The following BAZ1A variants were observed in gnomAD, a reference collection of about 807,000 sequenced individuals.
BAZ1A encodes the protein bromodomain adjacent to zinc finger domain 1A.
Under a neutral mutation model 185.2 loss-of-function variants are expected in BAZ1A, and 50 were observed. The observed-to-expected ratio is 0.27, with a 90% confidence interval of 0.22 to 0.34. BAZ1A has a LOEUF of 0.34. Among genes scored for constraint, BAZ1A ranks in the 10% least tolerant of loss-of-function variants. BAZ1A has a pLI of 1.00. For synonymous variants in BAZ1A, 571 were observed against 615.6 expected (o/e 0.93, Z 1.07); for missense variants, 1,356 against 1,839.9 (o/e 0.74, Z 4.81).
At chr14:34,868,858 G>A (rs1031857992) in intron 2 of BAZ1A, among the ~76,000 whole-genome samples, 5 of 150,768 alleles carry the variant, frequency 3.3e-5, no homozygotes, top group Non-Finnish European at 5.9e-5. Context: ...TCTACTTAGG[G>A]GCCAAAACAC....
At chr14:34,796,804 A>G (rs911755882) in intron 9 of BAZ1A, among the ~76,000 whole-genome samples, 2 of 152,256 alleles carry the variant, frequency 1.3e-5, no homozygotes, top group African/African-American at 4.8e-5. Context: ...CTAGATAGTT[A>G]CGGAACTTGC....
intron 3 of BAZ1A, among the ~76,000 whole-genome samples, chr14:34,857,361 T>G (rs1011069341): frequency 1.3e-5 from 2 of 152,118 alleles, no homozygotes; most frequent in Non-Finnish European, 2.9e-5. Context: ...TGGAGTGTAG[T>G]TGGCATGATC....
intron 20 of BAZ1A, among the ~76,000 whole-genome samples, chr14:34,772,949 A>AC (rs1288518339): frequency 6.6e-6 from 1 of 152,162 alleles, no homozygotes; most frequent in Non-Finnish European, 1.5e-5. Flanking sequence ...AATTGCTTGA[A>AC]CCAGGGAGTA....
intron 3 of BAZ1A, among the ~76,000 whole-genome samples, chr14:34,842,221 G>A (rs1594894028): frequency 6.6e-6 from 1 of 151,926 alleles, no homozygotes; most frequent in East Asian, 1.9e-4. Context: ...GAAAAAAAAA[G>A]GCACAAACAA....
Position 34,862,154 on chromosome 14 carries a change from G to A in BAZ1A, c.282C>T (p.Ser94=), listed in dbSNP as rs775149001. 9 of 1,614,178 alleles carry A rather than the reference G, an allele frequency of 5.6e-6. No individual in the cohort carries two copies. In the Admixed American group the frequency reaches 1.5e-4, roughly 27 times the overall value. Residue 94 remains serine, a synonymous_variant, in exon 3 of 27, where the codon AGC becomes AGT. Transcript: ENST00000360310. ...CATGTAAGCGCGAACGATGGGTAAG[G>A]CTGGTCAAGTATAAAACTGGAATAA... is the stretch of plus-strand genomic sequence containing the variant. ...PLIIPVLYLT[S]LTHRSRLHEI... is the part of the protein sequence containing the mutation.
chr14:34,854,104 GAT>G (rs1311734012), intron 3 of BAZ1A, among the ~76,000 whole-genome samples: 2 of 149,684 alleles, frequency 1.3e-5, no homozygotes, highest in East Asian at 3.9e-4. Flanking sequence ...GAGAGAGAAG[GAT>G]ATATGATGCG....
At position 34,783,727 on chromosome 14, in the gene BAZ1A, C is replaced by T. The variant is rs781464847; in HGVS notation, c.1997+35G>A. ...GTTTTAAATGCAAAGAAATAAACAG[C>T]TTTCATTAACACAACTATTACAATT... is the stretch of plus-strand genomic sequence containing the variant. On this transcript the variant is annotated intron_variant, in intron 15 of 26. Coordinates refer to ENST00000360310, the MANE Select transcript of BAZ1A (RefSeq NM_013448.3). The T allele has an allele frequency of 6.3e-6, 10 of 1,588,422 alleles. No homozygotes were observed. In the South Asian group the frequency reaches 1.0e-4, roughly 17 times the overall value.
intron 4 of BAZ1A, among the ~76,000 whole-genome samples, chr14:34,812,733 G>C (rs1447871599): frequency 6.6e-6 from 1 of 152,100 alleles, no homozygotes; most frequent in African/African-American, 2.4e-5. Context: ...GAGAAGCATT[G>C]GCAATGAGAA....
At chr14:34,850,925 G>A (rs2138788032) in intron 3 of BAZ1A, among the ~76,000 whole-genome samples, 1 of 152,244 alleles carries the variant, frequency 6.6e-6, no homozygotes, top group Admixed American at 6.5e-5. Context: ...AGAGGTTAAA[G>A]GTGGAAATTA....
intron 25 of BAZ1A, among the ~76,000 whole-genome samples, chr14:34,755,774 C>T (rs1002616744): frequency 6.6e-6 from 1 of 151,394 alleles, no homozygotes; most frequent in African/African-American, 2.4e-5. Context: ...TCATATCCTT[C>T]AGTTTGATTA....
intron 3 of BAZ1A, among the ~76,000 whole-genome samples, chr14:34,845,874 AAAAAAG>A (rs1282853833): frequency 1.3e-5 from 2 of 151,470 alleles, no homozygotes. Context: ...AAAAAAAAAA[AAAAAAG>A]AAAAGAAAAC....
At position 34,764,794 on chromosome 14, in the gene BAZ1A, T is replaced by A; in HGVS notation, c.3689A>T (p.Asp1230Val). 1 of 1,612,308 alleles carries A rather than the reference T, an allele frequency of 6.2e-7. No individual in the cohort carries two copies. Among genetic ancestry groups the A allele is most frequent in the Non-Finnish European group, 8.5e-7 (1 of 1,178,330 alleles). Reference protein sequence around the residue: ...DSMGGEDDEVDGDEEEGQSEE... With the variant: ...DSMGGEDDEVVGDEEEGQSEE... ...ACTTTGACCTTCTTCTTCATCGCCA[T>A]CAACTTCATCATCCTCACCTCCCAT... Residue 1230 changes from aspartate (D) to valine (V), a missense_variant, in exon 23 of 27, where the codon GAT (aspartate) becomes GTT (valine). By Grantham distance (152) the Asp-to-Val change is radical. Transcript: ENST00000360310.
Position 34,809,336 on chromosome 14 carries a change from C to T in BAZ1A, c.638+1599G>A, listed in dbSNP as rs1273529219. Among the ~76,000 whole-genome samples, 5 of 152,102 alleles carry T rather than the reference C, an allele frequency of 3.3e-5. No homozygotes were observed. The East Asian group carries it at 5.8e-4, about 18-fold the overall frequency. ...TACTGAAGAAACTAGTCCTGAAGGACTTCATTAGTTTACATGGTAGCTACC... is the reference window on the plus strand; with the variant it reads ...TACTGAAGAAACTAGTCCTGAAGGATTTCATTAGTTTACATGGTAGCTACC... On this transcript the variant is annotated intron_variant, in intron 5 of 26. Coordinates refer to ENST00000360310, the MANE Select transcript of BAZ1A (RefSeq NM_013448.3).
chr14:34,820,679 A>G (rs1210942456), intron 4 of BAZ1A, among the ~76,000 whole-genome samples: 1 of 152,042 alleles, frequency 6.6e-6, no homozygotes, highest in South Asian at 2.1e-4. Context: ...CTTTTCTTCT[A>G]TCTTTTCTAG....
At chr14:34,825,447 CAAAAAA>C (rs35449855) in intron 4 of BAZ1A, among the ~76,000 whole-genome samples, 8 of 55,428 alleles carry the variant, frequency 1.4e-4, no homozygotes, top group Non-Finnish European at 2.4e-4. Context: ...AACTCTGTCT[CAAAAAA>C]AAAAAAAAAA....
chr14:34,873,490 G>A (rs1346129611), intron 2 of BAZ1A, among the ~76,000 whole-genome samples: 1 of 152,154 alleles, frequency 6.6e-6, no homozygotes, highest in Non-Finnish European at 1.5e-5. Flanking sequence ...GAAAATGTAG[G>A]AGCTGTAACT....
In BAZ1A at chr14:34,766,710, C is replaced by A. The variant is rs186136346; in HGVS notation, c.3302-1442G>T. 5.1e-4 allele frequency among the ~76,000 whole-genome samples: 78 copies of A among 152,288 alleles called. No individual in the cohort carries two copies. In the East Asian group the frequency reaches 0.015, roughly 29 times the overall value. On this transcript the variant is annotated intron_variant, in intron 21 of 26. Transcript: ENST00000360310. ...ACATAGGCTAAGATTTTAAAGTAGTCTAGGATTGCTAGTGACCTCAAGTGA... is the reference window on the plus strand; with the variant it reads ...ACATAGGCTAAGATTTTAAAGTAGTATAGGATTGCTAGTGACCTCAAGTGA...
Position 34,776,054 on chromosome 14 carries a change from G to C in BAZ1A, c.2698C>G (p.Gln900Glu), listed in dbSNP as rs766595179. 2 of 1,614,044 alleles carry C rather than the reference G, an allele frequency of 1.2e-6. No homozygotes were observed. The highest frequency in any genetic ancestry group is 1.3e-5 in the African/African-American group (1 of 74,918). ...AGAGCTTCAATAAGCTGGTCTAGCT[G>C]TTCACAAGAACTGTAAAAGCACCAC... Reference protein sequence around the residue: ...NRWCFYSSCEQLDQLIEALNS... With the variant: ...NRWCFYSSCEELDQLIEALNS... Residue 900 changes from glutamine (Q) to glutamate (E), a missense_variant, in exon 18 of 27, where the codon CAG (glutamine) becomes GAG (glutamate). By Grantham distance (29) the Gln-to-Glu change is conservative. Transcript: ENST00000360310.
intron 3 of BAZ1A, among the ~76,000 whole-genome samples, chr14:34,832,211 C>CATATATATATATATATATATAT (rs1181710627): frequency 2.9e-4 from 19 of 65,522 alleles, no homozygotes; most frequent in African/African-American, 7.3e-4. Context: ...CACACACACA[C>CATATATATATATATATATATAT]ACACATATAT....
Sources: gnomAD v4.1 joint callset for allele counts (sites outside exome capture counted in the v4.1 genomes callset) on GRCh38, gnomAD v4.1.1 for gene constraint, MANE v1.5 for transcripts, NCBI Gene and HGNC (gene_info 2026-07-23, HGNC 2026-07-21) for gene names.